Variants in PLEKHA7 observed in about 807,000 individuals in gnomAD.
PLEKHA7 encodes the protein pleckstrin homology domain containing A7.
Under a neutral mutation model 170.0 loss-of-function variants are expected in PLEKHA7, and 104 were observed. The observed-to-expected ratio is 0.61, with a 90% CI of 0.52 to 0.72. PLEKHA7 has a LOEUF of 0.72. Ranked by LOEUF, PLEKHA7 falls within the 30% of genes least tolerant of loss-of-function variation. The pLI, the probability that PLEKHA7 is intolerant of heterozygous loss-of-function variation, is 0.00. For missense variants in PLEKHA7, 1,615 were observed against 1,671.7 expected (o/e 0.97, Z 0.59); for synonymous variants, 648 against 660.8 (o/e 0.98, Z 0.30).
intron 12 of PLEKHA7, among the ~76,000 whole-genome samples, chr11:16,813,676 G>GT (rs1290010324): frequency 1.3e-5 from 2 of 152,130 alleles, no homozygotes; most frequent in African/African-American, 4.8e-5. Flanking sequence ...TACGACCTTG[G>GT]TTTCCAGAAT....
chr11:17,010,862 G>T (rs1054349348), intron 3 of PLEKHA7, among the ~76,000 whole-genome samples: 1 of 152,134 alleles, frequency 6.6e-6, no homozygotes, highest in African/African-American at 2.4e-5. Flanking sequence ...TTTTTCATGT[G>T]GGGGGCGGGG....
At chr11:17,014,268 C>A in intron 1 of PLEKHA7, 48 bp downstream of exon 1, 1 of 1,400,082 alleles carries the variant, frequency 7.1e-7, no homozygotes, top group South Asian at 1.6e-5. Context: ...GGCCCCCGCC[C>A]CCGCGCCCCC....
chr11:16,889,684 TAGGTTGATTCAGAGAG>T (rs1419241121), intron 3 of PLEKHA7, among the ~76,000 whole-genome samples: 1 of 152,042 alleles, frequency 6.6e-6, no homozygotes, highest in Non-Finnish European at 1.5e-5. Flanking sequence ...CTACAAGTTA[TAGGTTGATTCAGAGAG>T]AGAAGAAGAA....
chr11:16,852,557 TTTTTA>T (rs756743223), intron 6 of PLEKHA7, among the ~76,000 whole-genome samples: 67 of 152,178 alleles, frequency 4.4e-4, no homozygotes, highest in Admixed American at 3.7e-3. Flanking sequence ...GAAAGCAGGG[TTTTTA>T]TTTTTGTCTC....
chr11:16,800,179 G>T (rs1848497652), intron 17 of PLEKHA7, among the ~76,000 whole-genome samples: 1 of 152,204 alleles, frequency 6.6e-6, no homozygotes, highest in Non-Finnish European at 1.5e-5. Context: ...GCCCTGAAAG[G>T]AGAAGATATA....
intron 3 of PLEKHA7, among the ~76,000 whole-genome samples, chr11:16,986,769 C>T (rs534360669): frequency 1.3e-5 from 2 of 152,264 alleles, no homozygotes; most frequent in South Asian, 4.2e-4. Context: ...CCATGAGCCC[C>T]ACCTCTACCA....
At chr11:16,794,376 C>T (rs970540574) in intron 19 of PLEKHA7, 112 bp downstream of exon 19, 59 of 1,039,972 alleles carry the variant, frequency 5.7e-5, no homozygotes, top group Non-Finnish European at 6.9e-5. Flanking sequence ...TCCTTTAGGA[C>T]GCTGGCTGGG....
chr11:16,893,814 G>A (rs1038555434), intron 3 of PLEKHA7, among the ~76,000 whole-genome samples: 1 of 152,184 alleles, frequency 6.6e-6, no homozygotes, highest in African/African-American at 2.4e-5. Context: ...AAGCCCAAGG[G>A]ATGTCCATGA....
chr11:16,847,078 GTTTTTTTTTTTCTTTTT>G (rs1852471769), intron 8 of PLEKHA7, among the ~76,000 whole-genome samples: 1 of 129,536 alleles, frequency 7.7e-6, no homozygotes, highest in Non-Finnish European at 1.6e-5. Context: ...TGTGGCTGAA[GTTTTTTTTTTTCTTTTT>G]TTTTTTTTTT....
intron 3 of PLEKHA7, among the ~76,000 whole-genome samples, chr11:16,900,850 A>T (rs7481629): frequency 0.011 from 1,636 of 143,986 alleles, 33 homozygotes; most frequent in African/African-American, 0.038. Flanking sequence ...ATGATTTTTT[A>T]TTTTTTTTTT....
At chr11:16,783,632 G>A in intron 25 of PLEKHA7, 68 bp downstream of exon 25, 10 of 1,323,524 alleles carry the variant, frequency 7.6e-6, no homozygotes, top group Non-Finnish European at 9.6e-6. Context: ...CCGGCCCAGG[G>A]CCCACATGGT....
chr11:16,816,988 C>T lies in PLEKHA7; in HGVS notation c.1678G>A (p.Val560Met), dbSNP rs752386748. 5.0e-6 allele frequency: 8 copies of T among 1,606,168 alleles called. No individual in the cohort carries two copies. The highest frequency in any genetic ancestry group is 5.1e-6 in the Non-Finnish European group (6 of 1,175,804). ...DQGRSRSMLEVPRSISVPPSP... is the reference protein window; with the variant it reads ...DQGRSRSMLEMPRSISVPPSP... ...GGAGGCACAGAGATGGAGCGGGGCACCTCTAGCATGCTCCTGCTCCGGCCC... is the reference window on the plus strand; with the variant it reads ...GGAGGCACAGAGATGGAGCGGGGCATCTCTAGCATGCTCCTGCTCCGGCCC... The change falls in exon 11 of 27, where the codon GTG (valine) becomes ATG (methionine). Residue 560 changes from valine (V) to methionine (M), a missense_variant. Coordinates refer to ENST00000531066, the MANE Select transcript of PLEKHA7 (RefSeq NM_001329630.2).
At chr11:17,007,064 C>A (rs1865043475) in intron 3 of PLEKHA7, among the ~76,000 whole-genome samples, 1 of 152,194 alleles carries the variant, frequency 6.6e-6, no homozygotes, top group Admixed American at 6.5e-5. Flanking sequence ...TTCTTAACTG[C>A]CCACTCCCAG....
chr11:16,803,497 T>C (rs1472454486), intron 13 of PLEKHA7: 2 of 573,026 alleles, frequency 3.5e-6, no homozygotes, highest in Non-Finnish European at 6.2e-6. Context: ...AACCTTTTGA[T>C]GATTCTAGTA....
At chr11:16,949,967 T>C (rs961104763) in intron 3 of PLEKHA7, among the ~76,000 whole-genome samples, 3 of 150,990 alleles carry the variant, frequency 2.0e-5, no homozygotes, top group Non-Finnish European at 4.4e-5. Context: ...ATTAGGCCTG[T>C]CAACAACCTT....
At chr11:16,911,106 G>A (rs1218583832) in intron 3 of PLEKHA7, among the ~76,000 whole-genome samples, 2 of 152,220 alleles carry the variant, frequency 1.3e-5, no homozygotes, top group African/African-American at 4.8e-5. Flanking sequence ...GCACCCAAGA[G>A]GAATCTGTTA....
intron 13 of PLEKHA7, among the ~76,000 whole-genome samples, chr11:16,804,187 A>T (rs189206741): frequency 6.6e-6 from 1 of 152,316 alleles, no homozygotes; most frequent in East Asian, 1.9e-4. Context: ...AGATAAGGCC[A>T]GGGAGAACCA....
At chr11:16,865,700 AAAAAG>A (rs1854334826) in intron 4 of PLEKHA7, among the ~76,000 whole-genome samples, 1 of 151,992 alleles carries the variant, frequency 6.6e-6, no homozygotes, top group Non-Finnish European at 1.5e-5. Flanking sequence ...CCATCTCAAA[AAAAAG>A]AAAAGAAATG....
chr11:16,833,385 C>T (rs1419684250), intron 9 of PLEKHA7, among the ~76,000 whole-genome samples: 1 of 152,186 alleles, frequency 6.6e-6, no homozygotes, highest in East Asian at 1.9e-4. Context: ...AGGAAAAAAG[C>T]TATTCCAGGC....
Sources: allele counts gnomAD v4.1 joint callset (sites outside exome capture counted in the v4.1 genomes callset), GRCh38; gene constraint gnomAD v4.1.1; transcripts MANE v1.5; gene names NCBI Gene and HGNC (gene_info 2026-07-23, HGNC 2026-07-21).